SLC9C1: variants seen among roughly 807,000 people sequenced by gnomAD.
The protein encoded by SLC9C1 is solute carrier family 9 member C1.
Under a neutral mutation model 140.9 loss-of-function variants are expected in SLC9C1, and 97 were observed. That is an observed-to-expected ratio of 0.69 (90% CI 0.58 to 0.82). SLC9C1 has a LOEUF of 0.82. Ranked by LOEUF, SLC9C1 falls within the 40% of genes least tolerant of loss-of-function variation. The pLI, the probability that SLC9C1 is intolerant of heterozygous loss-of-function variation, is 0.00. For synonymous variants in SLC9C1, 440 were observed against 442.6 expected (o/e 0.99, Z 0.07); for missense variants, 1,340 against 1,389.3 (o/e 0.96, Z 0.56).
At chr3:112,157,681 C>A (rs1245559570) in intron 26 of SLC9C1, among the ~76,000 whole-genome samples, 1 of 151,434 alleles carries the variant, frequency 6.6e-6, no homozygotes, top group Non-Finnish European at 1.5e-5. Context: ...TTTTTGTGTT[C>A]CTTCTTTGAT....
rs1293883846 is a variant in SLC9C1, at chr3:112,223,251, A to G, written c.1573-2026T>C. Among the ~76,000 whole-genome samples the G allele has an allele frequency of 2.0e-5, 3 of 152,106 alleles. No homozygotes were observed. The East Asian group carries it at 5.8e-4, about 29-fold the overall frequency. On this transcript the variant is annotated intron_variant, in intron 13 of 28. Coordinates refer to ENST00000305815, the MANE Select transcript of SLC9C1 (RefSeq NM_183061.3). The stretch of plus-strand genomic sequence containing the variant: ...TACTCTGGGAGACTAAGGCAGGAGG[A>G]CTCTTTGAGCTCAGGAATTTGAGAC...
intron 11 of SLC9C1, among the ~76,000 whole-genome samples, chr3:112,243,739 G>A (rs936074662): frequency 6.6e-6 from 1 of 150,822 alleles, no homozygotes; most frequent in Non-Finnish European, 1.5e-5. Context: ...TGCCCAGGGT[G>A]GAGTGCAGTG....
chr3:112,221,749 A>C (rs2078546893), intron 13 of SLC9C1, among the ~76,000 whole-genome samples: 1 of 152,050 alleles, frequency 6.6e-6, no homozygotes. Flanking sequence ...ACAGATTGCT[A>C]CTATTTGGCA....
intron 2 of SLC9C1, among the ~76,000 whole-genome samples, chr3:112,283,354 G>C (rs1000319497): frequency 6.6e-6 from 1 of 151,950 alleles, no homozygotes; most frequent in Non-Finnish European, 1.5e-5. Flanking sequence ...ATGGTTGTGT[G>C]TGCCTGTGGT....
intron 20 of SLC9C1, among the ~76,000 whole-genome samples, chr3:112,192,067 T>TC (rs1315628689): frequency 6.6e-6 from 1 of 151,802 alleles, no homozygotes; most frequent in African/African-American, 2.4e-5. Context: ...TTTTTCCATT[T>TC]TTTTTTTTAC....
intron 12 of SLC9C1, among the ~76,000 whole-genome samples, chr3:112,234,719 G>A (rs557764665): frequency 2.7e-4 from 41 of 152,108 alleles, no homozygotes; most frequent in African/African-American, 8.4e-4. Flanking sequence ...TCCCAGCACC[G>A]TTTGTTAAAT....
chr3:112,180,111 T>C (rs375447372), intron 22 of SLC9C1, among the ~76,000 whole-genome samples: 11 of 152,346 alleles, frequency 7.2e-5, no homozygotes, highest in African/African-American at 2.4e-4. Flanking sequence ...AAATTTATCA[T>C]TAGATGGTAG....
intron 14 of SLC9C1, 64 bp downstream of exon 14, chr3:112,221,064 C>T: frequency 7.4e-7 from 1 of 1,360,204 alleles, no homozygotes; most frequent in Non-Finnish European, 1.0e-6. Flanking sequence ...CAAGAAAACT[C>T]ACTTGGGTAA....
At chr3:112,255,860 A>G (rs896601699) in intron 10 of SLC9C1, among the ~76,000 whole-genome samples, 1 of 152,114 alleles carries the variant, frequency 6.6e-6, no homozygotes, top group African/African-American at 2.4e-5. Flanking sequence ...AAAGAAGAGA[A>G]CATTCAAATA....
intron 12 of SLC9C1, among the ~76,000 whole-genome samples, chr3:112,231,893 T>G (rs13091454): frequency 0.59 from 89,837 of 151,842 alleles, 27,092 homozygotes; most frequent in East Asian, 0.79. Flanking sequence ...GGAGTGGGCG[T>G]CAATCTGTGT....
intron 20 of SLC9C1, among the ~76,000 whole-genome samples, chr3:112,188,795 C>G (rs2077589966): frequency 6.6e-6 from 1 of 152,172 alleles, no homozygotes; most frequent in South Asian, 2.1e-4. Context: ...GTTCTAGATC[C>G]TTGAGGAATC....
At chr3:112,189,149 A>G (rs2077598898) in intron 20 of SLC9C1, among the ~76,000 whole-genome samples, 1 of 152,106 alleles carries the variant, frequency 6.6e-6, no homozygotes, top group Admixed American at 6.5e-5. Context: ...AGATGGGTAG[A>G]TTGCAAAAAT....
Position 112,155,048 on chromosome 3 carries a change from A to G in SLC9C1, c.3366T>C (p.Gly1122=). ...TGCCTTCTTCCAATGTTCCAACTGA[A>G]CCTGATTAAAAAAAAAAAAAACAGT... The part of the protein sequence containing the change: ...HKSYLTPGLI[G]SVGTLEEGIQ... Residue 1122 remains glycine (G), a splice_region_variant and synonymous_variant, in exon 27 of 29, where the codon GGT becomes GGC. Transcript: ENST00000305815. The G allele has an allele frequency of 6.5e-7, 1 of 1,539,434 alleles. No homozygotes were observed.
At chr3:112,244,296 G>A (rs7374744) in intron 10 of SLC9C1, among the ~76,000 whole-genome samples, 151,562 of 152,316 alleles carry the variant, frequency 1, 75,410 homozygotes, top group Middle Eastern at 1. Flanking sequence ...TTACCAAACC[G>A]AAATTAGGAC....
intron 13 of SLC9C1, among the ~76,000 whole-genome samples, chr3:112,223,116 A>T (rs11928353): frequency 0.45 from 69,120 of 152,006 alleles, 16,208 homozygotes; most frequent in East Asian, 0.63. Context: ...CATATCTATA[A>T]AAGGCTTCTT....
intron 12 of SLC9C1, among the ~76,000 whole-genome samples, chr3:112,233,444 A>G (rs1313816917): frequency 2.6e-5 from 4 of 152,144 alleles, no homozygotes. Flanking sequence ...ACATACACAT[A>G]AAACATATAT....
chr3:112,261,140 C>T (rs1436016327), intron 10 of SLC9C1, among the ~76,000 whole-genome samples: 1 of 152,052 alleles, frequency 6.6e-6, no homozygotes, highest in Non-Finnish European at 1.5e-5. Flanking sequence ...CAGGCAATGT[C>T]CCTTATCCAA....
intron 26 of SLC9C1, among the ~76,000 whole-genome samples, chr3:112,158,919 C>T (rs894158715): frequency 1.3e-5 from 2 of 151,498 alleles, no homozygotes; most frequent in Non-Finnish European, 3.0e-5. Context: ...TTTTCTTAGT[C>T]TAGATAAGGT....
chr3:112,279,108 C>G (rs1311843574), intron 3 of SLC9C1, among the ~76,000 whole-genome samples: 3 of 151,922 alleles, frequency 2.0e-5, no homozygotes, highest in African/African-American at 4.8e-5. Context: ...AACTAATAAA[C>G]AATGTTTAAC....
Sources: allele counts gnomAD v4.1 joint callset (sites outside exome capture counted in the v4.1 genomes callset), GRCh38; gene constraint gnomAD v4.1.1; transcripts MANE v1.5; gene names NCBI Gene and HGNC (gene_info 2026-07-23, HGNC 2026-07-21).